Variants in ACP3 observed in about 807,000 individuals in gnomAD.
ACP3 encodes the protein acid phosphatase 3, also known as prostatic acid phosphatase.
In ACP3, 38 loss-of-function variants were observed where a neutral mutation model predicts 45.6. That is an observed-to-expected ratio of 0.83 (90% confidence interval 0.64 to 1.09). ACP3 has a LOEUF of 1.09. ACP3 is among the 50% of genes least tolerant of loss of function. The probability of loss-of-function intolerance (pLI) is 0.00; values close to 1 mark genes in which losing one functional copy is unlikely to be tolerated. For synonymous variants in ACP3, 162 were observed against 164.7 expected (o/e 0.98, Z 0.13); for missense variants, 466 against 463.2 (o/e 1.01, Z -0.05).
At position 132,325,595 on chromosome 3, in the gene ACP3, A is replaced by AACACACACAC. The variant is rs138017217; in HGVS notation, c.121-2657_121-2648dup. Among the ~76,000 whole-genome samples the AACACACACAC allele has an allele frequency of 1.9e-4, 28 of 143,732 alleles. 1 individual carries two copies. Among genetic ancestry groups the AACACACACAC allele is most frequent in the African/African-American group, 3.2e-4 (12 of 37,736 alleles). The allele number at this position is 143,732 out of a possible 152,430, so 94.3% of individuals were successfully genotyped here. A position where few individuals can be genotyped will look rare whatever the true frequency, so the allele number is the denominator to read the frequency against. ...AAGGTTTTGGTTTCTTCTGATACAA[A>AACACACACAC]ACACACACACACACACACACACACC... On this transcript the variant is annotated intron_variant, in intron 1 of 9. Transcript: ENST00000336375.
chr3:132,352,902 G>C lies in ACP3; in HGVS notation c.968+79G>C, dbSNP rs972119530. On this transcript the variant is annotated intron_variant, in intron 9 of 9. Coordinates refer to ENST00000336375, the MANE Select transcript of ACP3 (RefSeq NM_001099.5). Reference sequence around the variant, plus strand: ...ATTATTATTTTGGGTTAAGGGTTGTGTGCCTGTTTGTCTTTGATTTGGTTT... The same window carrying C: ...ATTATTATTTTGGGTTAAGGGTTGTCTGCCTGTTTGTCTTTGATTTGGTTT... 9 of 1,015,582 alleles carry C rather than the reference G, an allele frequency of 8.9e-6. No homozygotes were observed. The African/African-American group carries it at 9.6e-5, about 11-fold the overall frequency. The allele number at this position is 1,015,582 out of a possible 1,614,324, so 62.9% of individuals were successfully genotyped here. A position where few individuals can be genotyped will look rare whatever the true frequency, so the allele number is the denominator to read the frequency against.
chr3:132,368,111 A>C, exon 11 of ACP3: 2 of 236,214 alleles, frequency 8.5e-6, no homozygotes. Context: ...TTGTCCGGAG[A>C]GAAATAAGAA....
At chr3:132,337,310 T>C in intron 4 of ACP3, 146 bp from the exon 5 acceptor site, 1 of 510,448 alleles carries the variant, frequency 2.0e-6, no homozygotes, top group Non-Finnish European at 3.6e-6. Context: ...TTCTCCCCAA[T>C]TTTGGAATTT....
At chr3:132,352,946 T>G (rs528175595) in intron 9 of ACP3, 123 bp downstream of exon 9, 17 of 671,806 alleles carry the variant, frequency 2.5e-5, no homozygotes, top group Non-Finnish European at 4.4e-5. Flanking sequence ...GAGGGAAGAA[T>G]GGTGGTAACA....
intron 1 of ACP3, among the ~76,000 whole-genome samples, chr3:132,324,527 C>A (rs2107793729): frequency 6.6e-6 from 1 of 152,312 alleles, no homozygotes; most frequent in East Asian, 1.9e-4. Flanking sequence ...TTGCTCAGTG[C>A]AGCAGTAGTG....
intron 9 of ACP3, among the ~76,000 whole-genome samples, chr3:132,353,176 TTCAAA>T (rs1937799462): frequency 1.3e-5 from 2 of 152,208 alleles, no homozygotes; most frequent in South Asian, 4.1e-4. Context: ...AATTAAAGAA[TTCAAA>T]CATATTCATT....
At chr3:132,337,063 G>GGGGT (rs1553731721) in intron 4 of ACP3, among the ~76,000 whole-genome samples, 4 of 144,892 alleles carry the variant, frequency 2.8e-5, no homozygotes, top group African/African-American at 1.0e-4. Context: ...CATGCGTTGG[G>GGGGT]GTGTGTGTGT....
At chr3:132,342,475 T>G (rs1443462279) in intron 5 of ACP3, 77 bp from the exon 6 acceptor site, 2 of 1,038,496 alleles carry the variant, frequency 1.9e-6, no homozygotes, top group African/African-American at 3.2e-5. Flanking sequence ...AACAAACAAT[T>G]GTCTGGCCCA....
chr3:132,332,326 T>G lies in ACP3; in HGVS notation c.438T>G (p.Val146=), dbSNP rs1283015867. ...LLWQPIPVHT[V]PLSEDQLLYL... is the part of the protein sequence containing the mutation. Reference sequence around the variant, plus strand: ...GGCAGCCCATCCCGGTGCACACAGTTCCTCTTTCTGAAGATCAGGTCAGTA... The same window carrying G: ...GGCAGCCCATCCCGGTGCACACAGTGCCTCTTTCTGAAGATCAGGTCAGTA... Residue 146 remains valine (V), a synonymous_variant, in exon 4 of 10, where the codon GTT becomes GTG. Transcript: ENST00000336375. The G allele has an allele frequency of 1.2e-5, 20 of 1,614,108 alleles. No individual in the cohort carries two copies. Among genetic ancestry groups the G allele is most frequent in the Non-Finnish European group, 1.7e-5 (20 of 1,179,994 alleles).
intron 1 of ACP3, among the ~76,000 whole-genome samples, chr3:132,320,079 G>A (rs936207455): frequency 6.6e-6 from 1 of 152,124 alleles, no homozygotes; most frequent in Non-Finnish European, 1.5e-5. Context: ...GTTAGCTTTG[G>A]GAATAGAACT....
At position 132,357,046 on chromosome 3, in the gene ACP3, A is replaced by G; in HGVS notation, c.*168A>G. The G allele has an allele frequency of 7.4e-7, 1 of 1,358,344 alleles. No homozygotes were observed. Among genetic ancestry groups the G allele is most frequent in the South Asian group, 2.0e-5 (1 of 50,338 alleles). The allele number at this position is 1,358,344 out of a possible 1,614,324, so 84.1% of individuals were successfully genotyped here. A position where few individuals can be genotyped will look rare whatever the true frequency, so the allele number is the denominator to read the frequency against. ...CAGGCAATTCCTACCTCTTCACCTG[A>G]CCCTGCCCCCACTTGCCATAAAACT... is the stretch of plus-strand genomic sequence containing the variant. On this transcript the variant is annotated 3_prime_UTR_variant, in exon 10 of 10. Transcript: ENST00000336375.
intron 1 of ACP3, among the ~76,000 whole-genome samples, chr3:132,320,502 C>G (rs953244828): frequency 1.3e-5 from 2 of 152,158 alleles, no homozygotes; most frequent in Admixed American, 1.3e-4. Context: ...AGAAAACCCA[C>G]AAGTTCAGCT....
intron 3 of ACP3, 88 bp from the exon 4 acceptor site, chr3:132,332,104 T>G: frequency 6.9e-7 from 1 of 1,455,036 alleles, no homozygotes; most frequent in Non-Finnish European, 9.5e-7. Flanking sequence ...GTGGGTGTCC[T>G]TTCCTTTCTC....
At chr3:132,334,887 G>A (rs568576905) in intron 4 of ACP3, among the ~76,000 whole-genome samples, 13 of 152,204 alleles carry the variant, frequency 8.5e-5, no homozygotes, top group East Asian at 1.9e-4. Flanking sequence ...AGTAACCTCC[G>A]TAAACCTCAG....
downstream of ACP3, among the ~76,000 whole-genome samples, chr3:132,363,418 G>T (rs890070569): frequency 7.9e-5 from 12 of 152,132 alleles, no homozygotes; most frequent in African/African-American, 2.4e-4. Context: ...CAAACAAGAA[G>T]CCATGAGATT....
chr3:132,356,521 C>T (rs1559843579), intron 9 of ACP3, among the ~76,000 whole-genome samples, 165 bp from the exon 10 acceptor site: 1 of 152,168 alleles, frequency 6.6e-6, no homozygotes, highest in Admixed American at 6.5e-5. Flanking sequence ...ATCTCTCCCG[C>T]CTGCCCCAGT....
intron 1 of ACP3, among the ~76,000 whole-genome samples, chr3:132,319,970 T>C (rs73862314): frequency 0.021 from 3,149 of 152,306 alleles, 134 homozygotes; most frequent in African/African-American, 0.071. Flanking sequence ...TCCTTGGTTC[T>C]TGTTCTCGGA....
At chr3:132,352,239 C>T (rs970858758) in intron 8 of ACP3, among the ~76,000 whole-genome samples, 6 of 152,040 alleles carry the variant, frequency 3.9e-5, no homozygotes, top group African/African-American at 1.4e-4. Context: ...CCCGCTCTGT[C>T]ACCTTCTGAG....
rs147262130 is a variant in ACP3, at chr3:132,343,173, T to C, written c.648+529T>C. On this transcript the variant is annotated intron_variant, in intron 6 of 9. Transcript: ENST00000336375. ...ATTACGATTGCTTTTCAAGGTTACATGGTGTTTCTCACTCACCATGCTCCA... is the reference window on the plus strand; with the variant it reads ...ATTACGATTGCTTTTCAAGGTTACACGGTGTTTCTCACTCACCATGCTCCA... Among the ~76,000 whole-genome samples the C allele has an allele frequency of 2.6e-3, 391 of 152,336 alleles. 2 individuals carry two copies. The highest frequency in any genetic ancestry group is 9.1e-3 in the African/African-American group (378 of 41,570).
Sources: gnomAD v4.1 joint callset for allele counts (sites outside exome capture counted in the v4.1 genomes callset) on GRCh38, gnomAD v4.1.1 for gene constraint, MANE v1.5 for transcripts, NCBI Gene and HGNC (gene_info 2026-07-23, HGNC 2026-07-21) for gene names.